TUSC3: variants seen among roughly 807,000 people sequenced by gnomAD.
The protein encoded by TUSC3 is dolichyl-diphosphooligosaccharide--protein glycosyltransferase subunit TUSC3.
In TUSC3, 45 loss-of-function variants were observed where a neutral mutation model predicts 44.8. The ratio of observed to expected loss-of-function variants is 1.00; its 90% CI spans 0.79 to 1.29. The LOEUF (loss-of-function observed/expected upper bound fraction) is 1.29, where lower values mean the gene tolerates loss of function less well. TUSC3 is among the 50% of genes most tolerant of loss of function. The pLI is 0.00. For missense variants in TUSC3, 519 were observed against 437.9 expected (o/e 1.19, Z -1.65); for synonymous variants, 212 against 152.9 (o/e 1.39, Z -2.85).
intron 1 of TUSC3, among the ~76,000 whole-genome samples, chr8:15,439,909 T>G (rs1799998431): frequency 6.6e-6 from 1 of 152,248 alleles, no homozygotes; most frequent in Admixed American, 6.5e-5. Flanking sequence ...ATCATTTTGC[T>G]TCTTACAAGT....
intron 6 of TUSC3, among the ~76,000 whole-genome samples, chr8:15,716,060 A>C (rs1277590521): frequency 2.6e-5 from 4 of 152,052 alleles, no homozygotes; most frequent in African/African-American, 9.7e-5. Context: ...GTTCAAGACC[A>C]GGCTGGCCAA....
Position 15,719,505 on chromosome 8 carries a change from ACACACACACAC to A in TUSC3, c.799-11149_799-11139del, listed in dbSNP as rs1218819949. On this transcript the variant is annotated intron_variant, in intron 6 of 10. Coordinates refer to ENST00000503731, the MANE Select transcript of TUSC3 (RefSeq NM_006765.4). ...ATAGTATACAGTTCATCACACACAC[ACACACACACAC>A]CACACACACACACACACACACACAC... is the stretch of plus-strand genomic sequence containing the variant. 1.5e-3 allele frequency among the ~76,000 whole-genome samples: 75 copies of A among 48,610 alleles called. 1 individual carries two copies. In the East Asian group the frequency reaches 0.027, roughly 17 times the overall value. The allele number at this position is 48,610 out of a possible 152,430, so 31.9% of individuals were successfully genotyped here.
At chr8:15,737,181 A>C (rs1052854232) in intron 7 of TUSC3, among the ~76,000 whole-genome samples, 5 of 152,086 alleles carry the variant, frequency 3.3e-5, no homozygotes, top group Admixed American at 1.3e-4. Context: ...ATACTATAGA[A>C]AAAAATTAAT....
intron 1 of TUSC3, among the ~76,000 whole-genome samples, chr8:15,425,371 A>T (rs150647563): frequency 6.6e-6 from 1 of 152,348 alleles, no homozygotes; most frequent in African/African-American, 2.4e-5. Context: ...ATAGAGACAG[A>T]TGGATATGCA....
the TUSC3 span, among the ~76,000 whole-genome samples, chr8:15,776,909 G>T: frequency 4.8e-5 from 7 of 146,896 alleles, no homozygotes; most frequent in Admixed American, 4.9e-4. Context: ...GAAATTTTAC[G>T]TGTAACACTG....
intron 2 of TUSC3, among the ~76,000 whole-genome samples, chr8:15,525,356 A>G (rs1801359608): frequency 6.6e-6 from 1 of 152,232 alleles, no homozygotes; most frequent in Non-Finnish European, 1.5e-5. Flanking sequence ...TCTTGACTTT[A>G]TTGGCTGTGG....
At chr8:15,515,482 C>T (rs1007067017) in intron 2 of TUSC3, among the ~76,000 whole-genome samples, 2 of 152,066 alleles carry the variant, frequency 1.3e-5, no homozygotes, top group Non-Finnish European at 2.9e-5. Flanking sequence ...ATCTTTCTGA[C>T]TCTAGCAAAT....
chr8:15,504,621 A>ATATAT (rs1345504233), intron 2 of TUSC3, among the ~76,000 whole-genome samples: 1 of 20,296 alleles, frequency 4.9e-5, no homozygotes, highest in Non-Finnish European at 8.1e-5. Flanking sequence ...ATATATATAT[A>ATATAT]TTTTTTTTTT....
the TUSC3 span, among the ~76,000 whole-genome samples, chr8:15,799,125 A>C: frequency 6.6e-6 from 1 of 152,172 alleles, no homozygotes; most frequent in African/African-American, 2.4e-5. Context: ...AACAAAACCC[A>C]AAACAAAAAC....
At chr8:15,790,761 T>A in the TUSC3 span, among the ~76,000 whole-genome samples, 1 of 152,034 alleles carries the variant, frequency 6.6e-6, no homozygotes, top group East Asian at 1.9e-4. Flanking sequence ...AAACTCAAAC[T>A]TGAGAATCAA....
intron 1 of TUSC3, among the ~76,000 whole-genome samples, chr8:15,555,044 A>G (rs1208885706): frequency 2.0e-5 from 3 of 151,114 alleles, no homozygotes; most frequent in Non-Finnish European, 3.0e-5. Flanking sequence ...CACATTATAG[A>G]TATAGAGAAT....
intron 2 of TUSC3, among the ~76,000 whole-genome samples, chr8:15,502,311 A>C (rs1389573512): frequency 6.6e-6 from 1 of 152,162 alleles, no homozygotes; most frequent in Non-Finnish European, 1.5e-5. Flanking sequence ...TATCTAAGCA[A>C]TATTTTTTTG....
downstream of TUSC3, among the ~76,000 whole-genome samples, chr8:15,768,098 G>T (rs1812377553): frequency 6.6e-6 from 1 of 152,102 alleles, no homozygotes; most frequent in African/African-American, 2.4e-5. Context: ...GATAAGTGTT[G>T]AAAGAGTTCC....
intron 1 of TUSC3, among the ~76,000 whole-genome samples, chr8:15,482,860 C>T (rs79027206): frequency 0.049 from 7,400 of 152,224 alleles, 238 homozygotes; most frequent in South Asian, 0.11. Context: ...ACATGACTTT[C>T]TTCACCTTTT....
chr8:15,560,725 A>C (rs931467376), intron 1 of TUSC3, among the ~76,000 whole-genome samples: 6 of 111,232 alleles, frequency 5.4e-5, no homozygotes, highest in African/African-American at 6.6e-5. Context: ...TTTTCTCTAA[A>C]CTTCCCTTCT....
chr8:15,706,395 C>G (rs1809616851), intron 6 of TUSC3, among the ~76,000 whole-genome samples: 1 of 152,000 alleles, frequency 6.6e-6, no homozygotes, highest in Admixed American at 6.6e-5. Flanking sequence ...AAAGATTTCT[C>G]ATAATCTAAC....
chr8:15,488,061 A>G (rs1800756711), intron 2 of TUSC3, among the ~76,000 whole-genome samples: 1 of 152,142 alleles, frequency 6.6e-6, no homozygotes, highest in South Asian at 2.1e-4. Flanking sequence ...TATCTATAAA[A>G]TGATATGCAT....
chr8:15,836,642 G>A, the TUSC3 span, among the ~76,000 whole-genome samples: 6 of 151,780 alleles, frequency 4.0e-5, no homozygotes, highest in Non-Finnish European at 7.4e-5. Context: ...ATTCTTTTGC[G>A]TGACTTCCTA....
upstream of TUSC3, among the ~76,000 whole-genome samples, chr8:15,536,464 C>T (rs186259174): frequency 1.8e-3 from 270 of 151,778 alleles, 1 homozygote; most frequent in African/African-American, 6.3e-3. Flanking sequence ...GGTGGATCAC[C>T]TGAGGTCAGT....
Sources: gnomAD v4.1 joint callset for allele counts (sites outside exome capture counted in the v4.1 genomes callset) on GRCh38, gnomAD v4.1.1 for gene constraint, MANE v1.5 for transcripts, NCBI Gene and HGNC (gene_info 2026-07-23, HGNC 2026-07-21) for gene names.